The following ZNF444 variants were observed in gnomAD, a reference collection of about 807,000 sequenced individuals.
ZNF444 encodes the protein endothelial zinc finger protein 2.
Under a neutral mutation model 14.4 loss-of-function variants are expected in ZNF444, and 8 were observed. That is an observed-to-expected ratio of 0.56 (90% CI 0.33 to 1.00). ZNF444 has a LOEUF of 1.00. Ranked by LOEUF, ZNF444 falls within the 50% of genes least tolerant of loss-of-function variation. The pLI is 0.03. For missense variants in ZNF444, 510 were observed against 504.8 expected, an observed-to-expected ratio of 1.01 and a Z score of -0.10; for synonymous variants, 258 against 235.9, an observed-to-expected ratio of 1.09 and a Z score of -0.86.
chr19:56,156,646 CT>C (rs2031922811), intron 3 of ZNF444: 1 of 152,250 alleles, frequency 6.6e-6, no homozygotes, highest in South Asian at 2.1e-4. Flanking sequence ...CAGGGAGAGA[CT>C]CTTTTTCTGA....
chr19:56,138,779 C>T (rs139591042), upstream of ZNF444, among the ~76,000 whole-genome samples: 706 of 145,600 alleles, frequency 4.8e-3, 6 homozygotes, highest in African/African-American at 0.017. Context: ...GATGATTGCA[C>T]AGCTTGAATG....
chr19:56,136,640 G>A (rs1352650266), upstream of ZNF444, among the ~76,000 whole-genome samples: 2 of 152,140 alleles, frequency 1.3e-5, no homozygotes, highest in Non-Finnish European at 2.9e-5. Context: ...CTGTGAAGCG[G>A]CGACTATTCT....
In ZNF444 at chr19:56,147,141, A is replaced by G. The variant is rs1330901592; in HGVS notation, c.230A>G (p.Gln77Arg). 2 of 1,539,998 alleles carry G rather than the reference A, an allele frequency of 1.3e-6. No homozygotes were observed. Among genetic ancestry groups the G allele is most frequent in the East Asian group, 2.5e-5 (1 of 40,656 alleles). Reference sequence around the variant, plus strand: ...CTGAGCGCGCTGCCCGCCGACACGCAGGCCTGGGTGTGCAGCCGGCAGCCG... The same window carrying G: ...CTGAGCGCGCTGCCCGCCGACACGCGGGCCTGGGTGTGCAGCCGGCAGCCG... Reference protein sequence around the residue: ...QFLSALPADTQAWVCSRQPQS... With the variant: ...QFLSALPADTRAWVCSRQPQS... Residue 77 changes from glutamine to arginine, a missense_variant, in exon 3 of 5, where the codon CAG becomes CGG. Coordinates refer to ENST00000337080, the MANE Select transcript of ZNF444 (RefSeq NM_018337.4). The surrounding 1 kb of genome is among the most constrained non-coding windows in gnomAD (Gnocchi z 5.9).
At chr19:56,158,646 C>T (rs765800449) in intron 4 of ZNF444, 44 bp downstream of exon 4, 1 of 1,506,462 alleles carries the variant, frequency 6.6e-7, no homozygotes, top group South Asian at 1.2e-5. Flanking sequence ...GCCCCCAGCA[C>T]CGGGGAGGGG....
intron 1 of ZNF444, among the ~76,000 whole-genome samples, chr19:56,142,729 GCA>G (rs1490082049): frequency 6.6e-6 from 1 of 152,174 alleles, no homozygotes; most frequent in African/African-American, 2.4e-5. Flanking sequence ...GAGAAATGAA[GCA>G]CAGAGGGGGT....
At chr19:56,153,722 G>A (rs2031727683) in intron 3 of ZNF444, among the ~76,000 whole-genome samples, 1 of 152,176 alleles carries the variant, frequency 6.6e-6, no homozygotes, top group South Asian at 2.1e-4. Flanking sequence ...AAGCCAGTGG[G>A]GTAGGCCTGG....
At chr19:56,153,218 G>A (rs2031691941) in intron 3 of ZNF444, among the ~76,000 whole-genome samples, 1 of 152,186 alleles carries the variant, frequency 6.6e-6, no homozygotes, top group East Asian at 1.9e-4. Context: ...TCTCCTCAGA[G>A]TCTAGGGGAC....
chr19:56,152,733 C>T (rs1395709948), intron 3 of ZNF444, among the ~76,000 whole-genome samples: 1 of 152,056 alleles, frequency 6.6e-6, no homozygotes, highest in East Asian at 1.9e-4. Flanking sequence ...TGAGGGTCTC[C>T]TGCTGGTTCA....
chr19:56,158,724 C>A, intron 4 of ZNF444, 122 bp downstream of exon 4: 1 of 928,646 alleles, frequency 1.1e-6, no homozygotes, highest in Non-Finnish European at 1.6e-6. Flanking sequence ...CCTTGAGGAG[C>A]CCCGGGGTTC....
chr19:56,139,640 C>T (rs550256795), upstream of ZNF444, among the ~76,000 whole-genome samples: 3 of 151,090 alleles, frequency 2.0e-5, no homozygotes, highest in East Asian at 1.9e-4. Flanking sequence ...GAGCTGTGAT[C>T]GCACCACTGC....
chr19:56,160,589 T>G lies in ZNF444; in HGVS notation c.*388T>G. On this transcript the variant is annotated 3_prime_UTR_variant, in exon 5 of 5. Transcript: ENST00000337080. ...AGCAGAGGTGAGGACCTGGGACCCCTGAGGGGCAGGCCAGGAGGAGCTCGG... is the reference window on the plus strand; with the variant it reads ...AGCAGAGGTGAGGACCTGGGACCCCGGAGGGGCAGGCCAGGAGGAGCTCGG... The G allele has an allele frequency of 4.9e-6, 1 of 203,108 alleles. No individual in the cohort carries two copies. Among genetic ancestry groups the G allele is most frequent in the Non-Finnish European group, 9.8e-6 (1 of 102,042 alleles). 12.6% of individuals were successfully genotyped at this position (203,108 alleles called of 1,614,324 possible).
At chr19:56,158,368 C>A in intron 3 of ZNF444, 126 bp from the exon 4 acceptor site, 2 of 897,682 alleles carry the variant, frequency 2.2e-6, no homozygotes, top group Middle Eastern at 6.6e-4. Context: ...TTCAGTGTCG[C>A]CCAGCATGAC....
In ZNF444 at chr19:56,147,911, A is replaced by G. The variant is rs910538222; in HGVS notation, c.297+703A>G. Among the ~76,000 whole-genome samples the G allele has an allele frequency of 2.6e-5, 4 of 152,116 alleles. No individual in the cohort carries two copies. The highest frequency in any genetic ancestry group is 9.7e-5 in the African/African-American group (4 of 41,416). The stretch of plus-strand genomic sequence containing the variant: ...CACGTTCTGGGTGAAGTCTTGGTGC[A>G]CAGCCACACCCACCCACTCATGTCA... On this transcript the variant is annotated intron_variant, in intron 3 of 4. Coordinates refer to ENST00000337080, the MANE Select transcript of ZNF444 (RefSeq NM_018337.4). The surrounding 1 kb of genome is among the most constrained non-coding windows in gnomAD (Gnocchi z 5.9).
intron 4 of ZNF444, 104 bp downstream of exon 4, chr19:56,158,706 A>C: frequency 9.3e-7 from 1 of 1,071,212 alleles, no homozygotes; most frequent in Non-Finnish European, 1.3e-6. Flanking sequence ...ACAGACTTGG[A>C]CCCCAGCCCT....
At chr19:56,151,997 T>C (rs1040146795) in intron 3 of ZNF444, 6 of 446,830 alleles carry the variant, frequency 1.3e-5, no homozygotes, top group Non-Finnish European at 2.7e-5. Context: ...GAGAGGCTCC[T>C]GTACTGGTAG....
At chr19:56,159,043 A>C (rs1359071395) in intron 4 of ZNF444, among the ~76,000 whole-genome samples, 6 of 150,528 alleles carry the variant, frequency 4.0e-5, no homozygotes, top group Admixed American at 1.3e-4. Context: ...CATCATCTGT[A>C]CATTCATCCA....
intron 3 of ZNF444, 27 bp from the exon 4 acceptor site, chr19:56,158,467 G>T (rs756570365): frequency 6.3e-7 from 1 of 1,582,090 alleles, no homozygotes; most frequent in South Asian, 1.2e-5. Flanking sequence ...TCAGGTTTCT[G>T]AGTTCAAAAC....
At chr19:56,146,833 T>A (rs1337733339) in intron 2 of ZNF444, 57 bp from the exon 3 acceptor site, 43 of 1,246,080 alleles carry the variant, frequency 3.5e-5, no homozygotes, top group Middle Eastern at 3.0e-4. Context: ...ATTGTGAGTC[T>A]GGGCACCGCG....
chr19:56,159,975 G>A lies in ZNF444; in HGVS notation c.758G>A (p.Cys253Tyr). 6.6e-7 allele frequency: 1 copy of A among 1,511,546 alleles called. No individual in the cohort carries two copies. Among genetic ancestry groups the A allele is most frequent in the Non-Finnish European group, 8.8e-7 (1 of 1,134,974 alleles). 93.6% of individuals were successfully genotyped at this position (1,511,546 alleles called of 1,614,324 possible). A position where few individuals can be genotyped will look rare whatever the true frequency, so the allele number is the denominator to read the frequency against. The change falls in exon 5 of 5, where the codon TGC becomes TAC. Residue 253 changes from cysteine to tyrosine, a missense_variant. Coordinates refer to ENST00000337080, the MANE Select transcript of ZNF444 (RefSeq NM_018337.4). ...LPAREKPHAC[C>Y]ECGKTFYWRE... ...GCCCGTGAGAAGCCCCACGCGTGCT[G>A]CGAGTGTGGCAAGACCTTCTACTGG...
Sources: allele counts gnomAD v4.1 joint callset (sites outside exome capture counted in the v4.1 genomes callset), GRCh38; gene constraint gnomAD v4.1.1; non-coding constraint Gnocchi (gnomAD v3.1); transcripts MANE v1.5; gene names NCBI Gene and HGNC (gene_info 2026-07-23, HGNC 2026-07-21).